The following SENP7 variants were observed in gnomAD, a reference collection of about 807,000 sequenced individuals.
The protein encoded by SENP7 is SUMO specific peptidase 7, also known as sentrin-specific protease 7.
A neutral mutation model predicts 141.2 loss-of-function variants in SENP7; 64 were observed. That is an observed-to-expected ratio of 0.45 (90% CI 0.37 to 0.56). The LOEUF (loss-of-function observed/expected upper bound fraction) is 0.56, where lower values mean the gene tolerates loss of function less well. Ranked by LOEUF, SENP7 falls within the 20% of genes least tolerant of loss-of-function variation. The probability of loss-of-function intolerance (pLI) is 0.00; values close to 1 mark genes in which losing one functional copy is unlikely to be tolerated. For missense variants in SENP7, 1,025 were observed against 1,212.2 expected, an observed-to-expected ratio of 0.85 and a Z score of 2.29; for synonymous variants, 382 against 426.4, an observed-to-expected ratio of 0.90 and a Z score of 1.28.
At chr3:101,394,420 T>C (rs191160709) in intron 6 of SENP7, among the ~76,000 whole-genome samples, 130 of 152,330 alleles carry the variant, frequency 8.5e-4, no homozygotes, top group Non-Finnish European at 1.4e-3. Flanking sequence ...GGTGCATGTA[T>C]CTCTTTGGTA....
intron 11 of SENP7, among the ~76,000 whole-genome samples, chr3:101,361,229 A>C (rs2059893152): frequency 6.6e-6 from 1 of 151,748 alleles, no homozygotes; most frequent in South Asian, 2.1e-4. Context: ...CAAAAAAAAA[A>C]AATAGAGAAC....
At chr3:101,445,848 T>G (rs1174322659) in intron 4 of SENP7, among the ~76,000 whole-genome samples, 1 of 152,208 alleles carries the variant, frequency 6.6e-6, no homozygotes. Context: ...ATAAAGATTC[T>G]GAATACATAC....
At position 101,435,508 on chromosome 3, in the gene SENP7, A is replaced by C. The variant is rs140987226; in HGVS notation, c.285-17718T>G. On this transcript the variant is annotated intron_variant, in intron 4 of 23. Transcript: ENST00000394095. ...AAGAAGTCAAATTACTCGTTTGCTG[A>C]TGACATGATCCAATGTTTGGAAAAA... is the stretch of plus-strand genomic sequence containing the variant. 2.6e-5 allele frequency among the ~76,000 whole-genome samples: 4 copies of C among 152,228 alleles called. No individual in the cohort carries two copies. In the East Asian group the frequency reaches 7.7e-4, roughly 29 times the overall value.
At chr3:101,372,871 G>A (rs1380547715) in intron 6 of SENP7, among the ~76,000 whole-genome samples, 1 of 151,804 alleles carries the variant, frequency 6.6e-6, no homozygotes, top group Non-Finnish European at 1.5e-5. Context: ...TGAAAAAATA[G>A]GAATTATATT....
At chr3:101,507,161 A>T (rs1311442612) in intron 1 of SENP7, among the ~76,000 whole-genome samples, 1 of 152,168 alleles carries the variant, frequency 6.6e-6, no homozygotes, top group South Asian at 2.1e-4. Flanking sequence ...TACCAATACG[A>T]GCACACACGA....
intron 4 of SENP7, among the ~76,000 whole-genome samples, chr3:101,433,674 G>A (rs1478941089): frequency 6.6e-6 from 1 of 151,942 alleles, no homozygotes; most frequent in African/African-American, 2.4e-5. Context: ...AGAGACAAAT[G>A]GGTCACTATA....
At chr3:101,335,523 G>T (rs1218236371) in intron 17 of SENP7, among the ~76,000 whole-genome samples, 1 of 152,148 alleles carries the variant, frequency 6.6e-6, no homozygotes, top group East Asian at 1.9e-4. Context: ...ATGTGTGTGT[G>T]TGTGTAGTAT....
rs2059330485 is a variant in SENP7 at position 101,341,678 on chromosome 3, C to T, written c.2208G>A (p.Trp736Ter). 6.2e-7 allele frequency: 1 copy of T among 1,609,230 alleles called. No homozygotes were observed. Among genetic ancestry groups the T allele is most frequent in the Admixed American group, 1.7e-5 (1 of 59,934 alleles). Reference protein sequence around the residue: ...LSITSNPDEEWREVRHTGLVQ... With the variant: ...LSITSNPDEE ...CAAGTCCAGTGTGCCTGACTTCTCG[C>T]CATTCTTCATCTGGATTAGATGTAA... Residue 736 changes from tryptophan to a stop codon, truncating the protein, a stop_gained, in exon 15 of 24, where the codon TGG becomes TGA. Coordinates refer to ENST00000394095, the MANE Select transcript of SENP7 (RefSeq NM_020654.5). LOFTEE classifies it high-confidence loss of function.
chr3:101,339,341 A>G (rs2059270181), intron 16 of SENP7, among the ~76,000 whole-genome samples: 1 of 152,228 alleles, frequency 6.6e-6, no homozygotes, highest in South Asian at 2.1e-4. Context: ...GAGATACAGT[A>G]CAAAATGACG....
chr3:101,352,421 C>T (rs2059635634), intron 11 of SENP7, among the ~76,000 whole-genome samples: 3 of 152,020 alleles, frequency 2.0e-5, no homozygotes. Context: ...TAGCATTCAT[C>T]TTTCTTTGTT....
chr3:101,506,024 T>TTTTC, intron 1 of SENP7, among the ~76,000 whole-genome samples: 1 of 149,372 alleles, frequency 6.7e-6, no homozygotes, highest in Non-Finnish European at 1.5e-5. Context: ...TCCATAATTT[T>TTTTC]TTTTTTTTTT....
At chr3:101,405,419 G>C (rs2061273442) in intron 5 of SENP7, among the ~76,000 whole-genome samples, 1 of 152,144 alleles carries the variant, frequency 6.6e-6, no homozygotes, top group Admixed American at 6.5e-5. Flanking sequence ...ATGGGACAAA[G>C]GAATCTGAAC....
At chr3:101,362,602 G>C (rs987101726) in intron 10 of SENP7, among the ~76,000 whole-genome samples, 7 of 152,016 alleles carry the variant, frequency 4.6e-5, no homozygotes, top group African/African-American at 1.2e-4. Flanking sequence ...TTATGGCCCT[G>C]GCTCTCCTCA....
chr3:101,450,966 T>C (rs2063111901), intron 4 of SENP7, among the ~76,000 whole-genome samples: 1 of 151,866 alleles, frequency 6.6e-6, no homozygotes, highest in Non-Finnish European at 1.5e-5. Flanking sequence ...GATAGACCAC[T>C]AGCAAGACTA....
chr3:101,455,509 T>C (rs1278469602), intron 4 of SENP7, among the ~76,000 whole-genome samples: 1 of 151,998 alleles, frequency 6.6e-6, no homozygotes, highest in Non-Finnish European at 1.5e-5. Flanking sequence ...AAATAATTAG[T>C]GGAGTAGGAA....
chr3:101,328,100 AG>A (rs1450370727), intron 22 of SENP7, among the ~76,000 whole-genome samples: 1 of 152,178 alleles, frequency 6.6e-6, no homozygotes, highest in African/African-American at 2.4e-5. Flanking sequence ...TTTCATCATT[AG>A]TTTTTTCCAA....
chr3:101,366,839 TAAAAA>T (rs58636547), intron 8 of SENP7, 70 bp from the exon 9 acceptor site: 430,187 of 878,226 alleles, frequency 0.49, 106,116 homozygotes, highest in South Asian at 0.53. Flanking sequence ...TTTAAATTCC[TAAAAA>T]AAAGTAAAAA....
chr3:101,489,695 C>T (rs1015307956), intron 3 of SENP7, among the ~76,000 whole-genome samples: 8 of 152,132 alleles, frequency 5.3e-5, no homozygotes, highest in African/African-American at 1.9e-4. Flanking sequence ...AGTTAGGCAA[C>T]CACATCATAA....
chr3:101,330,631 G>C (rs1053348222), intron 19 of SENP7, among the ~76,000 whole-genome samples: 1 of 152,048 alleles, frequency 6.6e-6, no homozygotes, highest in African/African-American at 2.4e-5. Context: ...CAGTTAGCTA[G>C]GCAAATTCTC....
Sources: gnomAD v4.1 joint callset for allele counts (sites outside exome capture counted in the v4.1 genomes callset) on GRCh38, gnomAD v4.1.1 for gene constraint, MANE v1.5 for transcripts, NCBI Gene and HGNC (gene_info 2026-07-23, HGNC 2026-07-21) for gene names.